ASPH: variants seen among roughly 807,000 people sequenced by gnomAD.
ASPH encodes aspartate beta-hydroxylase.
A neutral mutation model predicts 118.4 loss-of-function variants in ASPH; 100 were observed. The ratio of observed to expected loss-of-function variants is 0.84; its 90% CI spans 0.72 to 1.00. The LOEUF is 1.00. Among genes scored for constraint, ASPH ranks in the 50% least tolerant of loss-of-function variants. ASPH has a pLI of 0.00. For synonymous variants in ASPH, 315 were observed against 325.6 expected (o/e 0.97, Z 0.35); for missense variants, 920 against 919.5 (o/e 1.00, Z -0.01).
At chr8:61,651,015 G>GT in intron 5 of ASPH, 35 bp downstream of exon 5, 1 of 1,561,380 alleles carries the variant, frequency 6.4e-7, no homozygotes, top group South Asian at 1.2e-5. Flanking sequence ...CGTTATTTTA[G>GT]TAACTCAAAA....
At chr8:61,584,632 CTTCTTTCT>C (rs200609344) in intron 14 of ASPH, among the ~76,000 whole-genome samples, 4 of 75,016 alleles carry the variant, frequency 5.3e-5, no homozygotes, top group African/African-American at 3.1e-5. Flanking sequence ...TCTTTCTTTC[CTTCTTTCT>C]TTCTTTCTTT....
intron 16 of ASPH, among the ~76,000 whole-genome samples, chr8:61,575,286 T>C (rs549233451): frequency 1.9e-3 from 296 of 152,378 alleles, no homozygotes; most frequent in African/African-American, 6.7e-3. Context: ...TACTTTATAA[T>C]GTTCTTTAAG....
intron 1 of ASPH, among the ~76,000 whole-genome samples, chr8:61,688,789 G>A (rs1831593017): frequency 6.6e-6 from 1 of 152,124 alleles, no homozygotes; most frequent in Non-Finnish European, 1.5e-5. Context: ...TAATCCACAA[G>A]AGGAGAGAAA....
At chr8:61,515,436 G>C (rs1237431722) in intron 24 of ASPH, among the ~76,000 whole-genome samples, 1 of 152,076 alleles carries the variant, frequency 6.6e-6, no homozygotes, top group Non-Finnish European at 1.5e-5. Context: ...TGCCTTTCTT[G>C]CCCCATTTCC....
intron 3 of ASPH, chr8:61,664,166 A>G (rs766700556): frequency 1.0e-6 from 1 of 967,000 alleles, no homozygotes; most frequent in Non-Finnish European, 1.2e-6. Flanking sequence ...AACCATTTGT[A>G]GAATTAATTT....
intron 3 of ASPH, chr8:61,665,595 T>C (rs1179898118): frequency 1.9e-6 from 3 of 1,574,382 alleles, no homozygotes; most frequent in Admixed American, 2.0e-5. Flanking sequence ...TCTTCTTTAG[T>C]GAGTTCTTTA....
At chr8:61,605,046 T>A (rs10957195) in intron 14 of ASPH, among the ~76,000 whole-genome samples, 127,149 of 152,198 alleles carry the variant, frequency 0.84, 53,212 homozygotes, top group African/African-American at 0.86. Flanking sequence ...CTTTAATGAG[T>A]TGCCACTACA....
intron 16 of ASPH, among the ~76,000 whole-genome samples, chr8:61,571,632 T>C (rs575378246): frequency 6.6e-6 from 1 of 152,324 alleles, no homozygotes; most frequent in Non-Finnish European, 1.5e-5. Context: ...ATATGGAACA[T>C]GAGGATTCAG....
At position 61,714,407 on chromosome 8, in the gene ASPH, C is replaced by T; in HGVS notation, c.-36G>A. 7.0e-7 allele frequency: 1 copy of T among 1,436,098 alleles called. No individual in the cohort carries two copies. The allele number at this position is 1,436,098 out of a possible 1,614,324, so 89.0% of individuals were successfully genotyped here. On this transcript the variant is annotated 5_prime_UTR_variant, in exon 1 of 25. Transcript: ENST00000379454. ...GCGGGGGCTGGTGAGGGCTGGCGGA[C>T]CTCCTTCAGTGCGCGGGGGTACACA...
intron 14 of ASPH, among the ~76,000 whole-genome samples, chr8:61,611,949 C>T (rs1847507125): frequency 6.7e-6 from 1 of 150,244 alleles, no homozygotes; most frequent in African/African-American, 2.4e-5. Flanking sequence ...GTTGATATAA[C>T]AAATTACATA....
At chr8:61,567,345 A>G in intron 16 of ASPH, 27 bp from the exon 17 acceptor site, 1 of 1,600,248 alleles carries the variant, frequency 6.2e-7, no homozygotes, top group Non-Finnish European at 8.5e-7. Context: ...GACTGGATAA[A>G]TGTCCCATGA....
intron 13 of ASPH, chr8:61,624,337 T>C (rs556247008): frequency 3.9e-4 from 388 of 985,394 alleles, no homozygotes; most frequent in Middle Eastern, 3.1e-3. Context: ...TTAATCTTGC[T>C]TCCTGGCAAT....
chr8:61,643,276 C>A, intron 9 of ASPH, 110 bp downstream of exon 9: 1 of 1,077,600 alleles, frequency 9.3e-7, no homozygotes, highest in South Asian at 1.7e-5. Flanking sequence ...CATTAGATGT[C>A]GAAATTACTT....
intron 7 of ASPH, 39 bp downstream of exon 7, chr8:61,644,561 C>T (rs765856269): frequency 6.7e-7 from 1 of 1,489,970 alleles, no homozygotes; most frequent in Non-Finnish European, 9.0e-7. Context: ...TAAAGGAAGA[C>T]TCACTCTAAT....
chr8:61,565,060 G>A (rs1831230711), intron 17 of ASPH, among the ~76,000 whole-genome samples: 1 of 152,178 alleles, frequency 6.6e-6, no homozygotes, highest in Non-Finnish European at 1.5e-5. Context: ...CTTTGGTACT[G>A]GGAACCTGGG....
At chr8:61,503,550 T>C (rs1199073751) in intron 24 of ASPH, 41 bp from the exon 25 acceptor site, 3 of 1,549,196 alleles carry the variant, frequency 1.9e-6, no homozygotes, top group Non-Finnish European at 2.6e-6. Context: ...TAGTTTTGTG[T>C]GGTTCAGATG....
At chr8:61,651,712 C>A (rs193005474) in intron 4 of ASPH, among the ~76,000 whole-genome samples, 191 of 152,272 alleles carry the variant, frequency 1.3e-3, no homozygotes, top group African/African-American at 4.1e-3. Context: ...CTTTGGAGAA[C>A]CACATCTGAC....
chr8:61,579,598 C>T, intron 15 of ASPH: 24 of 1,523,954 alleles, frequency 1.6e-5, no homozygotes, highest in Non-Finnish European at 2.2e-5. Flanking sequence ...TCCTCCAGGG[C>T]CGTGGTTGTG....
At chr8:61,605,935 C>T (rs1845442589) in intron 14 of ASPH, among the ~76,000 whole-genome samples, 1 of 152,146 alleles carries the variant, frequency 6.6e-6, no homozygotes. Context: ...GAGAAATACT[C>T]CAGTAAGAGC....
Sources: gnomAD v4.1 joint callset for allele counts (sites outside exome capture counted in the v4.1 genomes callset) on GRCh38, gnomAD v4.1.1 for gene constraint, MANE v1.5 for transcripts, NCBI Gene and HGNC (gene_info 2026-07-23, HGNC 2026-07-21) for gene names.